ZC3H11A: variants seen among roughly 807,000 people sequenced by gnomAD.
ZC3H11A encodes the protein zinc finger CCCH domain-containing protein 11A.
ZC3H11A carries 22 observed loss-of-function variants against 90.8 expected under a neutral mutation model. The ratio of observed to expected loss-of-function variants is 0.24; its 90% CI spans 0.17 to 0.35. The LOEUF is 0.35. ZC3H11A is among the 10% of genes least tolerant of loss of function. The pLI is 1.00. For missense variants in ZC3H11A, 701 were observed against 964.9 expected, an observed-to-expected ratio of 0.73 and a Z score of 3.62; for synonymous variants, 294 against 339.8, an observed-to-expected ratio of 0.87 and a Z score of 1.48.
chr1:203,822,111 C>G (rs1485113097), intron 4 of ZC3H11A, among the ~76,000 whole-genome samples: 1 of 152,116 alleles, frequency 6.6e-6, no homozygotes, highest in Non-Finnish European at 1.5e-5. Context: ...CATATAGATG[C>G]TTCCAGTTCA....
chr1:203,800,133 T>C (rs1386397533), intron 1 of ZC3H11A: 1 of 1,536,122 alleles, frequency 6.5e-7, no homozygotes, highest in Non-Finnish European at 8.7e-7. Context: ...GGATGAGTAC[T>C]TCAAAGAGAA....
intron 13 of ZC3H11A, 89 bp from the exon 14 acceptor site, chr1:203,848,242 C>A: frequency 2.7e-6 from 3 of 1,097,912 alleles, no homozygotes; most frequent in Non-Finnish European, 4.0e-6. Context: ...TGTCTTACTA[C>A]TTTCATTAAA....
chr1:203,828,521 G>A (rs1350916538), intron 5 of ZC3H11A, 99 bp downstream of exon 5: 15 of 1,379,172 alleles, frequency 1.1e-5, no homozygotes, highest in Non-Finnish European at 1.5e-5. Context: ...TCAGTCTTGT[G>A]AAACAGCAGA....
chr1:203,820,466 T>TTGTGTGTGTGTGTGTGTGTGTGTGTG (rs144962991), intron 4 of ZC3H11A, among the ~76,000 whole-genome samples: 6,146 of 136,360 alleles, frequency 0.045, 212 homozygotes, highest in Non-Finnish European at 0.068. Flanking sequence ...ATATCACAAA[T>TTGTGTGTGTGTGTGTGTGTGTGTGTG]TATGTGTGTG....
intron 2 of ZC3H11A, among the ~76,000 whole-genome samples, chr1:203,813,032 ATTTTT>A (rs1286458265): frequency 6.6e-6 from 1 of 151,828 alleles, no homozygotes; most frequent in Non-Finnish European, 1.5e-5. Context: ...TTGTTTTCTT[ATTTTT>A]GAGTTTCAAG....
chr1:203,849,652 C>T (rs1441311941), intron 14 of ZC3H11A, 59 bp from the exon 15 acceptor site: 9 of 1,505,820 alleles, frequency 6.0e-6, no homozygotes, highest in African/African-American at 4.1e-5. Flanking sequence ...CTGGTACTTA[C>T]ATCATACAGG....
At chr1:203,836,550 C>T (rs965685528) in intron 10 of ZC3H11A, among the ~76,000 whole-genome samples, 1 of 152,174 alleles carries the variant, frequency 6.6e-6, no homozygotes, top group Admixed American at 6.5e-5. Flanking sequence ...GAGTTCGAGA[C>T]CGGCCTGATC....
At chr1:203,848,505 A>G in intron 14 of ZC3H11A, 98 bp downstream of exon 14, 2 of 826,296 alleles carry the variant, frequency 2.4e-6, no homozygotes, top group Non-Finnish European at 3.9e-6. Context: ...CTTCATTCAT[A>G]TATTAGGTAA....
intron 2 of ZC3H11A, among the ~76,000 whole-genome samples, chr1:203,808,852 A>G (rs1673274798): frequency 6.6e-6 from 1 of 151,946 alleles, no homozygotes; most frequent in Non-Finnish European, 1.5e-5. Context: ...TTTCTTGAGA[A>G]GGCGTTTTTC....
chr1:203,800,645 C>T (rs1366880660), intron 1 of ZC3H11A: 1 of 516,028 alleles, frequency 1.9e-6, no homozygotes, highest in East Asian at 3.4e-5. Flanking sequence ...GATTTCATAG[C>T]TATAACTGTG....
chr1:203,822,826 C>T (rs1679230593), intron 4 of ZC3H11A, among the ~76,000 whole-genome samples: 1 of 152,160 alleles, frequency 6.6e-6, no homozygotes, highest in Non-Finnish European at 1.5e-5. Context: ...CAATACCCTG[C>T]TCTGGGCCAC....
chr1:203,800,334 A>G (rs1237999610), intron 1 of ZC3H11A: 1 of 887,738 alleles, frequency 1.1e-6, no homozygotes, highest in South Asian at 1.4e-5. Context: ...CTTTGACAAT[A>G]TAGAACAACT....
intron 12 of ZC3H11A, among the ~76,000 whole-genome samples, chr1:203,842,687 C>CAT (rs1434298428): frequency 1.3e-5 from 2 of 149,114 alleles, no homozygotes; most frequent in East Asian, 3.9e-4. Context: ...GAGAAACATG[C>CAT]ATATGTATGA....
intron 10 of ZC3H11A, 97 bp downstream of exon 10, chr1:203,833,950 G>T: frequency 6.9e-7 from 1 of 1,459,570 alleles, no homozygotes; most frequent in Admixed American, 2.3e-5. Flanking sequence ...TTTGTTATTG[G>T]TGCCCCTGTA....
chr1:203,852,588 C>T lies in ZC3H11A; in HGVS notation c.*189C>T, dbSNP rs1689541824. On this transcript the variant is annotated 3_prime_UTR_variant, in exon 18 of 18. Coordinates refer to ENST00000367210, the MANE Select transcript of ZC3H11A (RefSeq NM_001376342.1). Reference sequence around the variant, plus strand: ...CAGATTTTTAAAGTTACTTTATAACCATTTTGTCCATTTGATGCCATTGTT... The same window carrying T: ...CAGATTTTTAAAGTTACTTTATAACTATTTTGTCCATTTGATGCCATTGTT... The T allele has an allele frequency of 1.6e-6, 1 of 629,642 alleles. No homozygotes were observed. Among genetic ancestry groups the T allele is most frequent in the Non-Finnish European group, 2.7e-6 (1 of 372,166 alleles). 39.0% of individuals were successfully genotyped at this position (629,642 alleles called of 1,614,324 possible). A position where few individuals can be genotyped will look rare whatever the true frequency, so the allele number is the denominator to read the frequency against.
chr1:203,847,316 C>G lies in ZC3H11A; in HGVS notation c.1175C>G (p.Thr392Ser). The G allele has an allele frequency of 6.2e-7, 1 of 1,613,922 alleles. No homozygotes were observed. The highest frequency in any genetic ancestry group is 1.7e-4 in the Middle Eastern group (1 of 6,056). The change falls in exon 13 of 18, where the codon ACT (threonine) becomes AGT (serine). Residue 392 changes from threonine to serine, a missense_variant. Physicochemically the swap from Thr to Ser is moderately conservative, Grantham distance 58 (BLOSUM62 1). This residue lies in a region of ZC3H11A where 530 missense variants were observed against 696.2 expected (regional missense o/e 0.76). Coordinates refer to ENST00000367210, the MANE Select transcript of ZC3H11A (RefSeq NM_001376342.1). ...TEGPSKTDDS[T>S]SGARSSSTIR... ...GGACCTTCAAAAACTGATGATTCTA[C>G]TTCAGGAGCAAGAAGCTCCTCCACT...
Position 203,830,129 on chromosome 1 carries a change from G to T in ZC3H11A, c.626G>T (p.Cys209Phe). Residue 209 changes from cysteine to phenylalanine, a missense_variant, in exon 8 of 18, where the codon TGT becomes TTT. Physicochemically the swap from Cys to Phe is radical, Grantham distance 205. This residue lies in a region of ZC3H11A where 530 missense variants were observed against 696.2 expected (regional missense o/e 0.76). Coordinates refer to ENST00000367210, the MANE Select transcript of ZC3H11A (RefSeq NM_001376342.1). ...TTTCTATTTGAATTTTCAGGTGAAT[G>T]TTTGAATTTTGGAATAAAAACTCTT... Reference protein sequence around the residue: ...KPAVNIKQGECLNFGIKTLEE... With the variant: ...KPAVNIKQGEFLNFGIKTLEE... 6.3e-7 allele frequency: 1 copy of T among 1,592,064 alleles called. No individual in the cohort carries two copies. The highest frequency in any genetic ancestry group is 1.4e-5 in the African/African-American group (1 of 73,432).
chr1:203,820,661 G>A (rs1678306699), intron 4 of ZC3H11A, among the ~76,000 whole-genome samples: 1 of 151,956 alleles, frequency 6.6e-6, no homozygotes, highest in Non-Finnish European at 1.5e-5. Context: ...GTGTTTTTTA[G>A]TAGACACGAG....
At chr1:203,841,775 T>C (rs1383398818) in intron 12 of ZC3H11A, among the ~76,000 whole-genome samples, 10 of 116,048 alleles carry the variant, frequency 8.6e-5, no homozygotes, top group Admixed American at 1.8e-4. Flanking sequence ...AGTGGCCGGG[T>C]GGAGGCGCCC....
Sources: allele counts gnomAD v4.1 joint callset (sites outside exome capture counted in the v4.1 genomes callset), GRCh38; gene constraint gnomAD v4.1.1; regional missense constraint gnomAD v4.1.1; transcripts MANE v1.5; gene names NCBI Gene and HGNC (gene_info 2026-07-23, HGNC 2026-07-21).